ARHGAP24: variants seen among roughly 807,000 people sequenced by gnomAD.
ARHGAP24 encodes the protein Rho GTPase activating protein 24, also known as rho GTPase-activating protein 24.
ARHGAP24 carries 50 observed loss-of-function variants against 76.4 expected under a neutral mutation model. The observed-to-expected ratio is 0.65, with a 90% CI of 0.52 to 0.83. ARHGAP24 has a LOEUF of 0.83. Ranked by LOEUF, ARHGAP24 falls within the 40% of genes least tolerant of loss-of-function variation. The pLI is 0.00. For missense variants in ARHGAP24, 930 were observed against 914.2 expected, an observed-to-expected ratio of 1.02 and a Z score of -0.22; for synonymous variants, 345 against 323.3, an observed-to-expected ratio of 1.07 and a Z score of -0.72.
At chr4:85,929,393 C>A (rs1273000420) in intron 4 of ARHGAP24, among the ~76,000 whole-genome samples, 1 of 152,130 alleles carries the variant, frequency 6.6e-6, no homozygotes, top group Non-Finnish European at 1.5e-5. Context: ...AAAGCTTCTG[C>A]CAAATGGCTG....
chr4:85,923,845 T>C, intron 4 of ARHGAP24, 75 bp downstream of exon 4: 1 of 1,601,078 alleles, frequency 6.2e-7, no homozygotes, highest in South Asian at 1.1e-5. Context: ...CAGCGAATGT[T>C]ACTATTAGCT....
chr4:85,504,458 T>C (rs1209435746), intron 1 of ARHGAP24, among the ~76,000 whole-genome samples: 2 of 152,150 alleles, frequency 1.3e-5, no homozygotes, highest in Non-Finnish European at 2.9e-5. Context: ...GAATTGATCC[T>C]TTTACCGTTA....
intron 2 of ARHGAP24, among the ~76,000 whole-genome samples, chr4:85,629,804 A>T (rs929434610): frequency 1.3e-5 from 2 of 152,062 alleles, no homozygotes; most frequent in Non-Finnish European, 2.9e-5. Context: ...TTTGATTATA[A>T]TATGTCTCAG....
chr4:85,754,484 A>T (rs1465611109), intron 3 of ARHGAP24, among the ~76,000 whole-genome samples: 1 of 152,174 alleles, frequency 6.6e-6, no homozygotes, highest in East Asian at 1.9e-4. Flanking sequence ...TCCTTATGAG[A>T]GTAAGTTTAG....
At chr4:85,495,173 G>T (rs1723517161) in intron 1 of ARHGAP24, among the ~76,000 whole-genome samples, 2 of 149,562 alleles carry the variant, frequency 1.3e-5, no homozygotes, top group East Asian at 3.9e-4. Context: ...CTTCCTGAAA[G>T]ACATGACCTA....
chr4:85,612,083 T>TACACACAC (rs34030905), intron 2 of ARHGAP24, among the ~76,000 whole-genome samples: 21,120 of 143,460 alleles, frequency 0.15, 1,823 homozygotes, highest in East Asian at 0.32. Flanking sequence ...TTCATTACAT[T>TACACACAC]ACACACACAC....
intron 1 of ARHGAP24, among the ~76,000 whole-genome samples, chr4:85,536,981 G>A (rs1021561982): frequency 2.0e-5 from 3 of 152,016 alleles, no homozygotes; most frequent in African/African-American, 7.2e-5. Flanking sequence ...GGGAGACCTT[G>A]GTATTCTAAG....
Position 85,559,525 on chromosome 4 carries a change from A to G in ARHGAP24, c.-20-10997A>G, listed in dbSNP as rs138770694. Among the ~76,000 whole-genome samples, 597 of 152,316 alleles carry G rather than the reference A, an allele frequency of 3.9e-3. 3 individuals are homozygous for G. The highest frequency in any genetic ancestry group is 0.013 in the African/African-American group (559 of 41,572). ...TCCTCCTGTCTAATTGGCATTTTGT[A>G]TATTTGGACCAACATCTTCAGAAGC... On this transcript the variant is annotated intron_variant, in intron 1 of 9. Coordinates refer to ENST00000395184, the MANE Select transcript of ARHGAP24 (RefSeq NM_001025616.3).
intron 2 of ARHGAP24, among the ~76,000 whole-genome samples, chr4:85,671,529 A>G (rs568816231): frequency 6.6e-6 from 1 of 152,302 alleles, no homozygotes; most frequent in East Asian, 1.9e-4. Context: ...GTGATTCAAC[A>G]AAGTTTGTGG....
intron 2 of ARHGAP24, among the ~76,000 whole-genome samples, chr4:85,625,084 T>C (rs1720890366): frequency 6.6e-6 from 1 of 152,202 alleles, no homozygotes; most frequent in African/African-American, 2.4e-5. Context: ...AGTTCTGCTC[T>C]GATCTTAGTT....
chr4:85,618,064 A>T (rs1392432355), intron 2 of ARHGAP24, among the ~76,000 whole-genome samples: 1 of 152,150 alleles, frequency 6.6e-6, no homozygotes, highest in East Asian at 1.9e-4. Context: ...TTACTATAGT[A>T]TCCATGTTGT....
chr4:85,671,199 A>G (rs1271071607), intron 2 of ARHGAP24, among the ~76,000 whole-genome samples: 1 of 152,076 alleles, frequency 6.6e-6, no homozygotes, highest in African/African-American at 2.4e-5. Flanking sequence ...TTTACACTAA[A>G]TGCTACCTCT....
chr4:85,912,932 T>C (rs1374369868), intron 3 of ARHGAP24, among the ~76,000 whole-genome samples: 2 of 152,128 alleles, frequency 1.3e-5, no homozygotes, highest in Non-Finnish European at 2.9e-5. Context: ...AAAGCGATTA[T>C]ATGGATTGTC....
At chr4:85,856,624 C>G (rs921343511) in intron 3 of ARHGAP24, among the ~76,000 whole-genome samples, 3 of 151,872 alleles carry the variant, frequency 2.0e-5, no homozygotes, top group African/African-American at 7.3e-5. Flanking sequence ...GCATGCACCA[C>G]CACATCCCGC....
intron 1 of ARHGAP24, among the ~76,000 whole-genome samples, chr4:85,487,146 T>TTG (rs920746660): frequency 1.4e-5 from 2 of 142,428 alleles, no homozygotes; most frequent in African/African-American, 5.2e-5. Context: ...GCTTGGTTGC[T>TTG]TGTGTGTATA....
In ARHGAP24 at chr4:85,674,148, C is replaced by T. The variant is rs77151256; in HGVS notation, c.181-47737C>T. On this transcript the variant is annotated intron_variant, in intron 2 of 9. Coordinates refer to ENST00000395184, the MANE Select transcript of ARHGAP24 (RefSeq NM_001025616.3). The stretch of plus-strand genomic sequence containing the variant: ...ATCAGAACCATCTGGAGGGCTGATT[C>T]AGTAGATCTGCGGTGGGGCCCAATA... Among the ~76,000 whole-genome samples the T allele has an allele frequency of 4.6e-3, 696 of 152,268 alleles. 7 individuals are homozygous for T. The highest frequency in any genetic ancestry group is 0.016 in the African/African-American group (677 of 41,564).
Position 85,740,184 on chromosome 4 carries a change from A to T in ARHGAP24, c.268+18212A>T, listed in dbSNP as rs536301245. 9.6e-5 allele frequency among the ~76,000 whole-genome samples: 14 copies of T among 146,316 alleles called. No individual in the cohort carries two copies. The South Asian group carries it at 2.4e-3, about 25-fold the overall frequency. On this transcript the variant is annotated intron_variant, in intron 3 of 9. Transcript: ENST00000395184. ...AGGAGAACTTCTATTGAAAGTACCT[A>T]CCTCCGATCTGGGATATTCTTTTTG...
chr4:85,997,676 C>G (rs1740766367), intron 9 of ARHGAP24, among the ~76,000 whole-genome samples: 1 of 151,294 alleles, frequency 6.6e-6, no homozygotes, highest in Non-Finnish European at 1.5e-5. Flanking sequence ...TATTTTTTGA[C>G]AGAGTCTCAC....
intron 1 of ARHGAP24, among the ~76,000 whole-genome samples, chr4:85,529,035 A>G (rs908641934): frequency 1.3e-5 from 2 of 152,034 alleles, no homozygotes; most frequent in Non-Finnish European, 2.9e-5. Flanking sequence ...ACTACTCCTG[A>G]GCTGATCATG....
Sources: gnomAD v4.1 joint callset for allele counts (sites outside exome capture counted in the v4.1 genomes callset) on GRCh38, gnomAD v4.1.1 for gene constraint, MANE v1.5 for transcripts, NCBI Gene and HGNC (gene_info 2026-07-23, HGNC 2026-07-21) for gene names.